BCKDHB: variants seen among roughly 807,000 people sequenced by gnomAD.
BCKDHB encodes 2-oxoisovalerate dehydrogenase subunit beta, mitochondrial.
Under a neutral mutation model 48.5 loss-of-function variants are expected in BCKDHB, and 41 were observed. The observed-to-expected ratio is 0.85, with a 90% CI of 0.66 to 1.10. The LOEUF is 1.10. BCKDHB is among the 50% of genes least tolerant of loss of function. The pLI is 0.00. For synonymous variants in BCKDHB, 201 were observed against 174.8 expected (o/e 1.15, Z -1.18); for missense variants, 496 against 494.2 (o/e 1.00, Z -0.03).
the BCKDHB span, among the ~76,000 whole-genome samples, chr6:80,458,867 T>C: frequency 1.3e-5 from 2 of 152,066 alleles, no homozygotes; most frequent in Non-Finnish European, 2.9e-5. Flanking sequence ...TGAACAAAAC[T>C]AAGCTAAATA....
At chr6:80,402,317 G>A in the BCKDHB span, among the ~76,000 whole-genome samples, 13 of 151,714 alleles carry the variant, frequency 8.6e-5, no homozygotes, top group East Asian at 3.8e-4. Context: ...TCTAATAGGC[G>A]TGAGATGATA....
the BCKDHB span, among the ~76,000 whole-genome samples, chr6:80,447,856 C>T: frequency 6.6e-6 from 1 of 152,090 alleles, no homozygotes; most frequent in Non-Finnish European, 1.5e-5. Context: ...TATTGTCATG[C>T]CATTTTACAG....
At chr6:80,420,388 C>T in the BCKDHB span, among the ~76,000 whole-genome samples, 2 of 152,200 alleles carry the variant, frequency 1.3e-5, no homozygotes, top group Non-Finnish European at 2.9e-5. Context: ...TGTTCCTTCT[C>T]AGAAGGAAAG....
At chr6:80,201,172 T>A in intron 7 of BCKDHB, 141 bp downstream of exon 7, 1 of 744,634 alleles carries the variant, frequency 1.3e-6, no homozygotes, top group Non-Finnish European at 2.4e-6. Flanking sequence ...TAATTTCTTT[T>A]TTCCCTCAAC....
chr6:80,400,698 C>A, the BCKDHB span, among the ~76,000 whole-genome samples: 1 of 151,862 alleles, frequency 6.6e-6, no homozygotes, highest in Non-Finnish European at 1.5e-5. Context: ...TTCAACCCAG[C>A]AATCCTATAA....
At chr6:80,210,133 TACAA>T (rs749756017) in intron 8 of BCKDHB, among the ~76,000 whole-genome samples, 1 of 22,824 alleles carries the variant, frequency 4.4e-5, no homozygotes, top group Non-Finnish European at 1.0e-4. Context: ...TGAAGAAATA[TACAA>T]AAAAAAAAAA....
intron 8 of BCKDHB, among the ~76,000 whole-genome samples, chr6:80,222,200 T>C (rs1775490121): frequency 6.6e-6 from 1 of 152,218 alleles, no homozygotes; most frequent in African/African-American, 2.4e-5. Flanking sequence ...CTCCTACTTA[T>C]AAGTCAGAAC....
chr6:80,184,597 ACTC>A (rs1773557493), intron 6 of BCKDHB, among the ~76,000 whole-genome samples: 1 of 151,098 alleles, frequency 6.6e-6, no homozygotes, highest in Non-Finnish European at 1.5e-5. Context: ...AAGATTTAGA[ACTC>A]CTTTTAGAAG....
intron 9 of BCKDHB, among the ~76,000 whole-genome samples, chr6:80,335,247 A>AAAAAAGAG (rs1554215008): frequency 6.9e-6 from 1 of 144,882 alleles, no homozygotes; most frequent in Non-Finnish European, 1.5e-5. Flanking sequence ...AAAAAAAAAA[A>AAAAAAGAG]GAAGAAAAAT....
intron 9 of BCKDHB, among the ~76,000 whole-genome samples, chr6:80,278,494 TAA>T (rs1468644164): frequency 1.3e-5 from 2 of 152,196 alleles, no homozygotes; most frequent in African/African-American, 2.4e-5. Context: ...CTCCTTGCCC[TAA>T]CCACACCTGG....
chr6:80,242,983 T>C (rs1207135846), intron 8 of BCKDHB, among the ~76,000 whole-genome samples: 2 of 152,170 alleles, frequency 1.3e-5, no homozygotes, highest in Non-Finnish European at 2.9e-5. Context: ...CATCTCTCGA[T>C]CGGGCAAAGG....
At chr6:80,340,148 A>G (rs1769813211) in intron 9 of BCKDHB, among the ~76,000 whole-genome samples, 1 of 152,246 alleles carries the variant, frequency 6.6e-6, no homozygotes, top group Admixed American at 6.5e-5. Context: ...TTCAGAAGTA[A>G]ATTCAAATAC....
chr6:80,357,808 T>C, the BCKDHB span, among the ~76,000 whole-genome samples: 1 of 152,234 alleles, frequency 6.6e-6, no homozygotes, highest in Non-Finnish European at 1.5e-5. Context: ...GGACTGGTCA[T>C]GTCTCAGCCT....
the BCKDHB span, among the ~76,000 whole-genome samples, chr6:80,405,888 A>G: frequency 6.6e-6 from 1 of 152,174 alleles, no homozygotes; most frequent in Admixed American, 6.5e-5. Flanking sequence ...CAGGTTTGTT[A>G]CACAGGTATA....
chr6:80,292,408 G>C (rs369109755), intron 9 of BCKDHB, among the ~76,000 whole-genome samples: 1 of 152,154 alleles, frequency 6.6e-6, no homozygotes, highest in East Asian at 1.9e-4. Context: ...AAGAGAACAT[G>C]TGTAGGGAAA....
At chr6:80,276,336 C>A (rs1437388310) in intron 9 of BCKDHB, among the ~76,000 whole-genome samples, 1 of 151,694 alleles carries the variant, frequency 6.6e-6, no homozygotes, top group Non-Finnish European at 1.5e-5. Context: ...AAAATATGAA[C>A]TATGCTGTTT....
chr6:80,329,873 C>T (rs530052521), intron 9 of BCKDHB, among the ~76,000 whole-genome samples: 1 of 152,230 alleles, frequency 6.6e-6, no homozygotes, highest in African/African-American at 2.4e-5. Flanking sequence ...TTTAGCACTC[C>T]TCAAACACCT....
At chr6:80,436,228 G>A in the BCKDHB span, among the ~76,000 whole-genome samples, 1 of 119,270 alleles carries the variant, frequency 8.4e-6, no homozygotes, top group Admixed American at 1.3e-4. Context: ...GCGCGATCTT[G>A]GCTCACTGCA....
chr6:80,236,237 T>C (rs1776142028), intron 8 of BCKDHB, among the ~76,000 whole-genome samples: 1 of 152,214 alleles, frequency 6.6e-6, no homozygotes. Context: ...GCATTACATA[T>C]ATTATGGTTA....
Sources: gnomAD v4.1 joint callset for allele counts (sites outside exome capture counted in the v4.1 genomes callset) on GRCh38, gnomAD v4.1.1 for gene constraint, MANE v1.5 for transcripts, NCBI Gene and HGNC (gene_info 2026-07-23, HGNC 2026-07-21) for gene names.